The following CAMTA1 variants were observed in gnomAD, a reference collection of about 807,000 sequenced individuals.
CAMTA1 encodes calmodulin binding transcription activator 1.
In CAMTA1, 27 loss-of-function variants were observed where a neutral mutation model predicts 170.9. That is an observed-to-expected ratio of 0.16 (90% CI 0.12 to 0.22). The LOEUF is 0.22. Ranked by LOEUF, CAMTA1 falls within the 10% of genes least tolerant of loss-of-function variation. CAMTA1 has a pLI of 1.00. For missense variants in CAMTA1, 1,619 were observed against 2,217.2 expected (o/e 0.73, Z 5.42); for synonymous variants, 833 against 891.5 (o/e 0.93, Z 1.17).
At chr1:7,703,660 A>G (rs557111234) in intron 11 of CAMTA1, among the ~76,000 whole-genome samples, 3 of 152,200 alleles carry the variant, frequency 2.0e-5, no homozygotes, top group Non-Finnish European at 4.4e-5. Context: ...GACATGGCCG[A>G]TTTTACAGAT....
intron 4 of CAMTA1, among the ~76,000 whole-genome samples, chr1:7,220,703 A>G (rs1438943472): frequency 3.9e-5 from 6 of 152,166 alleles, no homozygotes; most frequent in Admixed American, 6.5e-5. Context: ...TCTGAGCTGC[A>G]TTTTCAAAAT....
chr1:7,031,070 A>G (rs1702733851), intron 3 of CAMTA1, among the ~76,000 whole-genome samples: 2 of 128,570 alleles, frequency 1.6e-5, no homozygotes, highest in Non-Finnish European at 3.1e-5. Flanking sequence ...GATGGTCTTG[A>G]TCTCCTGACC....
At chr1:7,258,605 G>C (rs936234245) in intron 5 of CAMTA1, among the ~76,000 whole-genome samples, 5 of 152,158 alleles carry the variant, frequency 3.3e-5, no homozygotes, top group Admixed American at 3.3e-4. Context: ...CCAGAAACCG[G>C]GCAGGCATTG....
At chr1:7,319,397 G>A (rs1385171230) in intron 5 of CAMTA1, among the ~76,000 whole-genome samples, 1 of 152,076 alleles carries the variant, frequency 6.6e-6, no homozygotes, top group Non-Finnish European at 1.5e-5. Flanking sequence ...TTGTTTATAA[G>A]TATGTGACAT....
rs767042163 is a variant in CAMTA1 at position 7,738,130 on chromosome 1, C to T, written c.3830C>T (p.Pro1277Leu). 1.2e-6 allele frequency: 2 copies of T among 1,614,124 alleles called. No homozygotes were observed. The highest frequency in any genetic ancestry group is 2.2e-5 in the South Asian group (2 of 91,074). ...LEEPNIRKQS[P>L]SSKQSVPETL... ...GAGCCAAATATCAGGAAGCAAAGCC[C>T]TAGTTCTAAGCAGTCTGTCCCCGAG... Residue 1277 changes from proline (P) to leucine (L), a missense_variant, in exon 16 of 23, where the codon CCT becomes CTT. Pro to Leu is a moderately conservative substitution (Grantham distance 98). Transcript: ENST00000303635. This position sits in a 1 kb window ranked among gnomAD's most constrained non-coding sequence, Gnocchi z 4.9.
chr1:7,601,912 G>C (rs2095446868), intron 6 of CAMTA1, among the ~76,000 whole-genome samples: 1 of 151,350 alleles, frequency 6.6e-6, no homozygotes, highest in Non-Finnish European at 1.5e-5. Flanking sequence ...CTTTGGCTCG[G>C]CATCAGGAGG....
chr1:7,751,329 A>T lies in CAMTA1; in HGVS notation c.4820A>T (p.Tyr1607Phe), dbSNP rs2096895780. The T allele has an allele frequency of 6.2e-7, 1 of 1,611,340 alleles. No individual in the cohort carries two copies. The highest frequency in any genetic ancestry group is 1.3e-5 in the African/African-American group (1 of 74,658). The stretch of plus-strand genomic sequence containing the variant: ...CTCATCCAAAAGTACTACCGAAGTT[A>T]TAAGAAATGTGGCAAAAGACGGCAG... The part of the protein sequence containing the change: ...AVLIQKYYRS[Y>F]KKCGKRRQAR... The change falls in exon 20 of 23, where the codon TAT becomes TTT. Residue 1607 changes from tyrosine (Y) to phenylalanine (F), a missense_variant. This residue lies in a region of CAMTA1 where 128 missense variants were observed against 213.5 expected (regional missense o/e 0.60). Transcript: ENST00000303635.
intron 4 of CAMTA1, among the ~76,000 whole-genome samples, chr1:7,242,608 A>G (rs943171219): frequency 6.6e-6 from 1 of 152,028 alleles, no homozygotes; most frequent in African/African-American, 2.4e-5. Context: ...TGTGCCTTCT[A>G]GGTCCCCCAA....
At chr1:7,222,875 C>T (rs1383283204) in intron 4 of CAMTA1, among the ~76,000 whole-genome samples, 3 of 152,244 alleles carry the variant, frequency 2.0e-5, no homozygotes, top group South Asian at 2.1e-4. Flanking sequence ...TCCTCTTCTA[C>T]GTGGGTATAT....
At chr1:7,686,577 G>A (rs1305458447) in intron 11 of CAMTA1, among the ~76,000 whole-genome samples, 1 of 152,126 alleles carries the variant, frequency 6.6e-6, no homozygotes, top group African/African-American at 2.4e-5. Flanking sequence ...ATCACCAAGA[G>A]TAGGGGGCTG....
intron 6 of CAMTA1, among the ~76,000 whole-genome samples, chr1:7,545,414 G>A (rs779751090): frequency 3.9e-5 from 6 of 152,200 alleles, no homozygotes; most frequent in South Asian, 2.1e-4. Flanking sequence ...ACATTTTACC[G>A]ATTGTTCCAA....
chr1:7,035,210 C>A (rs6577407), intron 3 of CAMTA1, among the ~76,000 whole-genome samples: 1 of 151,820 alleles, frequency 6.6e-6, no homozygotes, highest in East Asian at 1.9e-4. Flanking sequence ...GAGACCACCT[C>A]ATCAACATGG....
chr1:7,680,350 T>C lies in CAMTA1; in HGVS notation c.2914+2617T>C, dbSNP rs996044464. On this transcript the variant is annotated intron_variant, in intron 11 of 22. Coordinates refer to ENST00000303635, the MANE Select transcript of CAMTA1 (RefSeq NM_015215.4). The surrounding 1 kb of genome is among the most constrained non-coding windows in gnomAD (Gnocchi z 4.4). Reference sequence around the variant, plus strand: ...CGCTGGCCAGGCCGTGGAGACGGGTTCGCCGCGGAGAGGGGAGGAGGGCTG... The same window carrying C: ...CGCTGGCCAGGCCGTGGAGACGGGTCCGCCGCGGAGAGGGGAGGAGGGCTG... 6.1e-6 allele frequency: 1 copy of C among 164,620 alleles called. No individual in the cohort carries two copies. Among genetic ancestry groups the C allele is most frequent in the African/African-American group, 2.4e-5 (1 of 41,374 alleles). The allele number at this position is 164,620 out of a possible 1,614,324, so 10.2% of individuals were successfully genotyped here.
intron 4 of CAMTA1, among the ~76,000 whole-genome samples, chr1:7,191,497 G>A (rs1322238510): frequency 6.6e-6 from 1 of 152,090 alleles, no homozygotes. Context: ...GCTCTCTTGG[G>A]TGGCACCATC....
intron 4 of CAMTA1, among the ~76,000 whole-genome samples, chr1:7,221,434 G>T (rs1027503525): frequency 6.6e-6 from 1 of 152,086 alleles, no homozygotes; most frequent in South Asian, 2.1e-4. Flanking sequence ...CCGGCTTTTG[G>T]GTTTCCATAG....
chr1:6,872,638 C>G (rs1348765115), intron 3 of CAMTA1, among the ~76,000 whole-genome samples: 1 of 152,156 alleles, frequency 6.6e-6, no homozygotes, highest in Non-Finnish European at 1.5e-5. Context: ...GACTGTTTTT[C>G]AAACAATGCA....
intron 4 of CAMTA1, among the ~76,000 whole-genome samples, chr1:7,171,485 C>A (rs1427419840): frequency 1.3e-5 from 2 of 152,164 alleles, no homozygotes; most frequent in Non-Finnish European, 2.9e-5. Context: ...TCAGGGCCAA[C>A]ACAGACCAAG....
chr1:7,156,749 A>G (rs1330443846), intron 4 of CAMTA1, among the ~76,000 whole-genome samples: 1 of 152,210 alleles, frequency 6.6e-6, no homozygotes, highest in African/African-American at 2.4e-5. Flanking sequence ...ATTTTATGGC[A>G]AGCAGATCAT....
chr1:7,607,287 G>T (rs1245809732), intron 6 of CAMTA1, among the ~76,000 whole-genome samples: 1 of 151,854 alleles, frequency 6.6e-6, no homozygotes, highest in Non-Finnish European at 1.5e-5. Context: ...TGGATGGATG[G>T]GTGTGTGGAT....
Sources: allele counts gnomAD v4.1 joint callset (sites outside exome capture counted in the v4.1 genomes callset), GRCh38; gene constraint gnomAD v4.1.1; regional missense constraint gnomAD v4.1.1; non-coding constraint Gnocchi (gnomAD v3.1); transcripts MANE v1.5; gene names NCBI Gene and HGNC (gene_info 2026-07-23, HGNC 2026-07-21).